Variants in CHST9 observed in about 807,000 individuals in gnomAD.
CHST9 encodes GalNAc-4-sulfotransferase 2.
A neutral mutation model predicts 44.4 loss-of-function variants in CHST9; 41 were observed. The ratio of observed to expected loss-of-function variants is 0.92; its 90% CI spans 0.72 to 1.20. The LOEUF (loss-of-function observed/expected upper bound fraction) is 1.20, where lower values mean the gene tolerates loss of function less well. Among genes scored for constraint, CHST9 ranks in the 50% most tolerant of loss-of-function variants. The pLI, the probability that CHST9 is intolerant of heterozygous loss-of-function variation, is 0.00. For missense variants in CHST9, 504 were observed against 516.5 expected (o/e 0.98, Z 0.23); for synonymous variants, 171 against 178.4 (o/e 0.96, Z 0.33).
At chr18:26,950,086 T>C (rs2145128449) in intron 4 of CHST9, among the ~76,000 whole-genome samples, 1 of 152,350 alleles carries the variant, frequency 6.6e-6, no homozygotes, top group Middle Eastern at 3.4e-3. Flanking sequence ...TTTTTGGTGA[T>C]TTGTTACAGC....
At chr18:27,018,004 CAT>C (rs945402552) in intron 4 of CHST9, among the ~76,000 whole-genome samples, 2 of 152,060 alleles carry the variant, frequency 1.3e-5, no homozygotes, top group Middle Eastern at 3.2e-3. Flanking sequence ...AGTTCAAAAA[CAT>C]AAAGAATTAC....
At chr18:27,025,514 A>G (rs961680559) in intron 3 of CHST9, among the ~76,000 whole-genome samples, 1 of 152,146 alleles carries the variant, frequency 6.6e-6, no homozygotes, top group Admixed American at 6.5e-5. Flanking sequence ...CATCAATGAT[A>G]TGCTATTCTG....
intron 1 of CHST9, among the ~76,000 whole-genome samples, chr18:27,184,296 G>A (rs2058937773): frequency 6.6e-6 from 1 of 152,130 alleles, no homozygotes; most frequent in South Asian, 2.1e-4. Context: ...AGAGAAAGGA[G>A]GAAGGCCTGC....
Position 26,914,599 on chromosome 18 carries a change from A to T in CHST9, c.*1660T>A. 1 of 239,740 alleles carries T rather than the reference A, an allele frequency of 4.2e-6. No individual in the cohort carries two copies. Among genetic ancestry groups the T allele is most frequent in the Non-Finnish European group, 7.9e-6 (1 of 125,896 alleles). The allele number at this position is 239,740 out of a possible 1,614,324, so 14.9% of individuals were successfully genotyped here. A position where few individuals can be genotyped will look rare whatever the true frequency, so the allele number is the denominator to read the frequency against. ...GAAAAGTAGTAAAAGGTTGGATTAG[A>T]AGGTTTAATACTTTTGATCTCTCAG... On this transcript the variant is annotated 3_prime_UTR_variant, in exon 6 of 6. Transcript: ENST00000618847.
chr18:26,923,846 G>T (rs1427152433), intron 5 of CHST9, among the ~76,000 whole-genome samples: 1 of 152,148 alleles, frequency 6.6e-6, no homozygotes. Context: ...AGAGATTTTT[G>T]GGGGCAAATT....
At chr18:27,069,370 T>C (rs2057815238) in intron 2 of CHST9, among the ~76,000 whole-genome samples, 2 of 152,198 alleles carry the variant, frequency 1.3e-5, no homozygotes, top group African/African-American at 4.8e-5. Flanking sequence ...TCTCCGTTTC[T>C]GTGGTTCAAT....
chr18:27,179,762 G>A (rs1336463169), intron 1 of CHST9, among the ~76,000 whole-genome samples: 1 of 152,050 alleles, frequency 6.6e-6, no homozygotes, highest in Non-Finnish European at 1.5e-5. Flanking sequence ...TACAAAAATA[G>A]TTTAGTTATT....
intron 4 of CHST9, among the ~76,000 whole-genome samples, chr18:26,964,158 A>G (rs7505457): frequency 1.4e-4 from 21 of 152,366 alleles, no homozygotes; most frequent in Admixed American, 1.4e-3. Context: ...AATGCTTTAT[A>G]AAAATTGGAG....
intron 2 of CHST9, among the ~76,000 whole-genome samples, chr18:27,067,411 T>C (rs543400225): frequency 7.1e-4 from 104 of 145,640 alleles, no homozygotes; most frequent in African/African-American, 2.6e-3. Context: ...TCTGGCATTT[T>C]CATTCTCCTT....
intron 2 of CHST9, among the ~76,000 whole-genome samples, chr18:27,112,827 A>G (rs754854273): frequency 1.3e-5 from 2 of 152,292 alleles, no homozygotes; most frequent in Non-Finnish European, 1.5e-5. Flanking sequence ...CGCATTTCCC[A>G]TAAGTAGTCC....
At chr18:27,045,459 T>C (rs2057488817) in intron 3 of CHST9, among the ~76,000 whole-genome samples, 2 of 151,994 alleles carry the variant, frequency 1.3e-5, no homozygotes. Context: ...ACAATGAAGT[T>C]TTTACATAAA....
chr18:27,180,085 C>A (rs2058900110), intron 1 of CHST9, among the ~76,000 whole-genome samples: 1 of 152,112 alleles, frequency 6.6e-6, no homozygotes, highest in African/African-American at 2.4e-5. Flanking sequence ...TTTCCCTATA[C>A]CATTAACTTT....
intron 4 of CHST9, among the ~76,000 whole-genome samples, chr18:26,946,913 TA>T (rs201616057): frequency 0.15 from 23,445 of 152,178 alleles, 1,995 homozygotes; most frequent in East Asian, 0.24. Flanking sequence ...CTGTTTTGGT[TA>T]CTGTAGCCTT....
At chr18:27,056,576 T>C (rs2057658739) in intron 2 of CHST9, among the ~76,000 whole-genome samples, 1 of 152,186 alleles carries the variant, frequency 6.6e-6, no homozygotes, top group Non-Finnish European at 1.5e-5. Context: ...TTAAATAAAA[T>C]GATGTGTTTA....
chr18:27,160,705 C>A (rs2058739138), intron 1 of CHST9, among the ~76,000 whole-genome samples: 1 of 152,128 alleles, frequency 6.6e-6, no homozygotes, highest in South Asian at 2.1e-4. Flanking sequence ...CTCCTTGTAC[C>A]TCTAGTATAA....
intron 2 of CHST9, among the ~76,000 whole-genome samples, chr18:27,092,198 C>T (rs540498330): frequency 1.3e-5 from 2 of 152,302 alleles, no homozygotes; most frequent in South Asian, 4.1e-4. Context: ...AGGAATTTAT[C>T]CATTTCTCCT....
intron 4 of CHST9, among the ~76,000 whole-genome samples, chr18:26,947,920 T>C (rs1233049128): frequency 2.6e-5 from 4 of 152,220 alleles, no homozygotes; most frequent in African/African-American, 9.6e-5. Flanking sequence ...GGATTATAAA[T>C]CATTCTACTA....
intron 3 of CHST9, among the ~76,000 whole-genome samples, chr18:27,046,863 A>G (rs1051610974): frequency 6.6e-6 from 1 of 152,104 alleles, no homozygotes; most frequent in African/African-American, 2.4e-5. Context: ...TTGACAAGCT[A>G]CAGATCAGAT....
At chr18:27,004,718 G>A (rs1196862064) in intron 4 of CHST9, among the ~76,000 whole-genome samples, 5 of 152,212 alleles carry the variant, frequency 3.3e-5, no homozygotes, top group South Asian at 2.1e-4. Flanking sequence ...TGTGGCTGTC[G>A]TAGGGACAAA....
Sources: allele counts gnomAD v4.1 joint callset (sites outside exome capture counted in the v4.1 genomes callset), GRCh38; gene constraint gnomAD v4.1.1; transcripts MANE v1.5; gene names NCBI Gene and HGNC (gene_info 2026-07-23, HGNC 2026-07-21).